The following GRID1 variants were observed in gnomAD, a reference collection of about 807,000 sequenced individuals.
The protein encoded by GRID1 is glutamate ionotropic receptor delta type subunit 1.
Under a neutral mutation model 98.0 loss-of-function variants are expected in GRID1, and 28 were observed. That is an observed-to-expected ratio of 0.29 (90% confidence interval 0.21 to 0.39). The LOEUF is 0.39. GRID1 is among the 10% of genes least tolerant of loss of function. GRID1 has a pLI of 1.00. For synonymous variants in GRID1, 553 were observed against 538.5 expected (o/e 1.03, Z -0.37); for missense variants, 1,111 against 1,340.5 (o/e 0.83, Z 2.67).
At chr10:86,000,997 T>C (rs1015520259) in intron 4 of GRID1, among the ~76,000 whole-genome samples, 11 of 152,166 alleles carry the variant, frequency 7.2e-5, no homozygotes, top group African/African-American at 2.7e-4. Context: ...ACCAATGAAA[T>C]ACTACTCTGC....
chr10:85,626,691 A>G (rs920043698), intron 13 of GRID1, among the ~76,000 whole-genome samples: 2 of 152,178 alleles, frequency 1.3e-5, no homozygotes, highest in Admixed American at 1.3e-4. Context: ...TAGTTCCTAT[A>G]GTCACGTTCA....
At chr10:86,353,392 GC>G (rs1480009900) in intron 2 of GRID1, among the ~76,000 whole-genome samples, 1 of 152,254 alleles carries the variant, frequency 6.6e-6, no homozygotes, top group African/African-American at 2.4e-5. Flanking sequence ...ATGGGTGTCT[GC>G]AACAGTCTCC....
chr10:86,169,908 T>A (rs1845457732), intron 3 of GRID1, among the ~76,000 whole-genome samples: 1 of 152,160 alleles, frequency 6.6e-6, no homozygotes, highest in Admixed American at 6.5e-5. Context: ...TACAGTCACT[T>A]CCTCTGTCCT....
chr10:85,771,390 G>A (rs1055880321), intron 8 of GRID1, among the ~76,000 whole-genome samples: 109 of 152,142 alleles, frequency 7.2e-4, no homozygotes, highest in Non-Finnish European at 1.2e-3. Context: ...AAAGACCATC[G>A]AGGCTAGGAA....
At position 85,727,876 on chromosome 10, in the gene GRID1, C is replaced by A. The variant is rs1480192131; in HGVS notation, c.1512G>T (p.Met504Ile). 4 of 1,613,606 alleles carry A rather than the reference C, an allele frequency of 2.5e-6. No homozygotes were observed. Among genetic ancestry groups the A allele is most frequent in the Non-Finnish European group, 3.4e-6 (4 of 1,179,854 alleles). ...HQLHNTSWNG[M>I]IGELISKRAD... ...CTACCTTGCTGATGAGCTCCCCGAT[C>A]ATCCCGTTCCAGGAGGTGTTATGGA... The change falls in exon 10 of 16, where the codon ATG becomes ATT. Residue 504 changes from methionine (M) to isoleucine (I), a missense_variant. Transcript: ENST00000327946.
intron 2 of GRID1, among the ~76,000 whole-genome samples, chr10:86,345,693 T>C (rs537801673): frequency 7.2e-5 from 11 of 152,308 alleles, no homozygotes; most frequent in Middle Eastern, 3.4e-3. Flanking sequence ...AGGGCCTAGA[T>C]GGAGGCACAT....
chr10:85,701,103 T>C (rs1287825542), intron 12 of GRID1, among the ~76,000 whole-genome samples: 1 of 152,152 alleles, frequency 6.6e-6, no homozygotes, highest in African/African-American at 2.4e-5. Flanking sequence ...GGCTGCTACC[T>C]ACTTATTTAA....
intron 3 of GRID1, among the ~76,000 whole-genome samples, chr10:86,191,125 G>A (rs1845797328): frequency 6.6e-6 from 1 of 152,170 alleles, no homozygotes; most frequent in African/African-American, 2.4e-5. Context: ...TCAAAGTCAG[G>A]TAAAGCAGGC....
intron 8 of GRID1, among the ~76,000 whole-genome samples, chr10:85,738,520 C>T (rs1841909055): frequency 6.6e-6 from 1 of 152,170 alleles, no homozygotes; most frequent in Non-Finnish European, 1.5e-5. Flanking sequence ...AGATGTAAAC[C>T]GTGTCCATAC....
At chr10:85,806,582 ATAT>A (rs1399450232) in intron 8 of GRID1, among the ~76,000 whole-genome samples, 1 of 150,638 alleles carries the variant, frequency 6.6e-6, no homozygotes, top group Non-Finnish European at 1.5e-5. Context: ...AATTGTGATA[ATAT>A]TCATATAATG....
chr10:85,710,746 C>A (rs144354573), intron 12 of GRID1, among the ~76,000 whole-genome samples: 328 of 151,866 alleles, frequency 2.2e-3, no homozygotes, highest in Non-Finnish European at 2.7e-3. Flanking sequence ...ATAAAGAACC[C>A]CTTCAACTTA....
intron 4 of GRID1, among the ~76,000 whole-genome samples, chr10:85,951,989 A>G (rs936169685): frequency 6.6e-6 from 1 of 152,224 alleles, no homozygotes; most frequent in Admixed American, 6.5e-5. Flanking sequence ...TCCCTTTCTC[A>G]ATAAATAAAG....
chr10:86,071,379 T>C lies in GRID1; in HGVS notation c.726+67440A>G, dbSNP rs117015917. On this transcript the variant is annotated intron_variant, in intron 4 of 15. Coordinates refer to ENST00000327946, the MANE Select transcript of GRID1 (RefSeq NM_017551.3). ...ACTTGCATCCTGGCTCTGCCTTTCA[T>C]GTTATAGAAGCTCGGCAAGTTCCTT... Among the ~76,000 whole-genome samples the C allele has an allele frequency of 6.0e-4, 91 of 152,348 alleles. 1 individual carries two copies. The East Asian group carries it at 0.015, about 26-fold the overall frequency.
intron 2 of GRID1, among the ~76,000 whole-genome samples, chr10:86,207,403 C>T (rs929034620): frequency 2.6e-5 from 4 of 152,198 alleles, no homozygotes; most frequent in Non-Finnish European, 5.9e-5. Flanking sequence ...GACGCTCCAG[C>T]AGCCGCTTCT....
chr10:85,743,446 C>A (rs149967266), intron 8 of GRID1, among the ~76,000 whole-genome samples: 1 of 151,992 alleles, frequency 6.6e-6, no homozygotes, highest in African/African-American at 2.4e-5. Context: ...GGTTGTCATG[C>A]AGTAATAGTA....
At chr10:85,603,795 G>C (rs868169188) in intron 15 of GRID1, among the ~76,000 whole-genome samples, 3 of 152,146 alleles carry the variant, frequency 2.0e-5, no homozygotes, top group Non-Finnish European at 4.4e-5. Context: ...AACTCCTAGA[G>C]AAATACAGTC....
intron 3 of GRID1, among the ~76,000 whole-genome samples, chr10:86,145,561 C>CATACACACACACACACACAT (rs1298047995): frequency 6.6e-5 from 10 of 151,892 alleles, no homozygotes; most frequent in African/African-American, 2.4e-4. Flanking sequence ...CACACACACA[C>CATACACACACACACACACAT]ACACACACAC....
At chr10:85,653,910 C>CT (rs1031372244) in intron 12 of GRID1, among the ~76,000 whole-genome samples, 9 of 151,986 alleles carry the variant, frequency 5.9e-5, no homozygotes, top group African/African-American at 1.9e-4. Context: ...AATAAATGCC[C>CT]TTTTTAAAAA....
rs942059849 is a variant in GRID1 at position 85,968,399 on chromosome 10, C to T, written c.727-52160G>A. The stretch of plus-strand genomic sequence containing the variant: ...CCGGGAGGCGGAGCTGGCTGTGAGC[C>T]GGGATCGCGCCACTGCACTCTAGCC... On this transcript the variant is annotated intron_variant, in intron 4 of 15. Transcript: ENST00000327946. Among the ~76,000 whole-genome samples, 8 of 139,876 alleles carry T rather than the reference C, an allele frequency of 5.7e-5. No homozygotes were observed. In the South Asian group the frequency reaches 9.3e-4, roughly 16 times the overall value. The allele number at this position is 139,876 out of a possible 152,430, so 91.8% of individuals were successfully genotyped here.
Sources: gnomAD v4.1 joint callset for allele counts (sites outside exome capture counted in the v4.1 genomes callset) on GRCh38, gnomAD v4.1.1 for gene constraint, MANE v1.5 for transcripts, NCBI Gene and HGNC (gene_info 2026-07-23, HGNC 2026-07-21) for gene names.